IL1RAPL2: variants seen among roughly 807,000 people sequenced by gnomAD.
IL1RAPL2 encodes X-linked interleukin-1 receptor accessory protein-like 2.
IL1RAPL2 carries 3 observed loss-of-function variants against 44.1 expected under a neutral mutation model. The observed-to-expected ratio is 0.07, with a 90% confidence interval of 0.03 to 0.18. The LOEUF (loss-of-function observed/expected upper bound fraction) is 0.18, where lower values mean the gene tolerates loss of function less well. IL1RAPL2 is among the 10% of genes least tolerant of loss of function. The pLI, the probability that IL1RAPL2 is intolerant of heterozygous loss-of-function variation, is 1.00. For synonymous variants in IL1RAPL2, 181 were observed against 178.8 expected (o/e 1.01, Z -0.10); for missense variants, 391 against 496.4 (o/e 0.79, Z 2.02).
At chrX:104,576,849 C>G (rs1928252576) in intron 1 of IL1RAPL2, among the ~76,000 whole-genome samples, 1 of 111,807 alleles carries the variant, frequency 8.9e-6, no homozygotes, top group African/African-American at 3.2e-5. Flanking sequence ...ATCTCTATGG[C>G]TGAACTCTAG....
intron 5 of IL1RAPL2, among the ~76,000 whole-genome samples, chrX:105,357,232 T>G (rs753430607): frequency 7.0e-4 from 78 of 111,666 alleles, no homozygotes; most frequent in Non-Finnish European, 1.2e-3. Context: ...CACAAGATGA[T>G]GGTGAAGATT....
chrX:104,598,056 T>A (rs1928801525), intron 1 of IL1RAPL2, among the ~76,000 whole-genome samples: 1 of 112,256 alleles, frequency 8.9e-6, no homozygotes, highest in African/African-American at 3.2e-5. Flanking sequence ...CTAATTTTGA[T>A]GAAATGTCAA....
rs144475593 is a variant in IL1RAPL2, at chrX:105,067,525, C to T, written c.83-127950C>T. On this transcript the variant is annotated intron_variant, in intron 2 of 10. Transcript: ENST00000372582. ...CACTGTTCCAAGCATTCTATAATAG[C>T]TACTCATTTAATTCTCATACCAACC... is the stretch of plus-strand genomic sequence containing the variant. Among the ~76,000 whole-genome samples, 11 of 111,565 alleles carry T rather than the reference C, an allele frequency of 9.9e-5. No homozygotes were observed. The East Asian group carries it at 3.1e-3, about 32-fold the overall frequency.
rs1176282674 is a variant in IL1RAPL2 at position 105,607,409 on chromosome X, T to C, written c.773-109958T>C. Among the ~76,000 whole-genome samples, 3 of 108,718 alleles carry C rather than the reference T, an allele frequency of 2.8e-5. No individual in the cohort carries two copies. The East Asian group carries it at 8.7e-4, about 32-fold the overall frequency. 94.4% of individuals were successfully genotyped at this position (108,718 alleles called of 115,157 possible). ...GGTCAATTGTATCAGCATTCTTTAA[T>C]TGAAATTTCTGCTTTCCAATACATT... On this transcript the variant is annotated intron_variant, in intron 6 of 10. Transcript: ENST00000372582.
chrX:105,170,862 G>A (rs996171498), intron 2 of IL1RAPL2, among the ~76,000 whole-genome samples: 8 of 111,935 alleles, frequency 7.1e-5, no homozygotes, highest in Non-Finnish European at 1.3e-4. Flanking sequence ...TTTTGAAGTA[G>A]GATTCAGAAA....
intron 3 of IL1RAPL2, among the ~76,000 whole-genome samples, chrX:105,206,995 T>C (rs1337674589): frequency 9.0e-6 from 1 of 111,581 alleles, no homozygotes; most frequent in African/African-American, 3.3e-5. Context: ...CATAAATGTA[T>C]GGTTATCTTT....
intron 5 of IL1RAPL2, among the ~76,000 whole-genome samples, chrX:105,311,348 T>A (rs1298735895): frequency 1.8e-5 from 2 of 110,076 alleles, no homozygotes; most frequent in Non-Finnish European, 3.8e-5. Context: ...ATTTGTCCCA[T>A]CTGGTTTTTT....
At chrX:105,617,436 C>T (rs932661422) in intron 6 of IL1RAPL2, among the ~76,000 whole-genome samples, 1 of 111,080 alleles carries the variant, frequency 9.0e-6, no homozygotes, top group Non-Finnish European at 1.9e-5. Context: ...CAGGGCATCA[C>T]ATAACTCATA....
intron 2 of IL1RAPL2, among the ~76,000 whole-genome samples, chrX:104,710,865 T>C (rs1016635174): frequency 2.7e-5 from 3 of 111,402 alleles, no homozygotes; most frequent in East Asian, 5.7e-4. Flanking sequence ...CACATACAAT[T>C]ATGTACAGTA....
chrX:104,811,742 G>A (rs984110248), intron 2 of IL1RAPL2, among the ~76,000 whole-genome samples: 1 of 111,072 alleles, frequency 9.0e-6, no homozygotes, highest in African/African-American at 3.3e-5. Context: ...AAGAAGCAGT[G>A]TCTGGGTCCC....
At chrX:105,265,468 C>A (rs1213389944) in intron 4 of IL1RAPL2, among the ~76,000 whole-genome samples, 1 of 111,541 alleles carries the variant, frequency 9.0e-6, no homozygotes, top group Non-Finnish European at 1.9e-5. Flanking sequence ...AACTCAGAAG[C>A]AAATCTCAGA....
At position 105,168,395 on chromosome X, in the gene IL1RAPL2, G is replaced by A. The variant is rs149782634; in HGVS notation, c.83-27080G>A. 3.2e-3 allele frequency among the ~76,000 whole-genome samples: 313 copies of A among 99,166 alleles called. 4 individuals are homozygous for A. The highest frequency in any genetic ancestry group is 0.011 in the African/African-American group (296 of 27,667). 86.1% of individuals were successfully genotyped at this position (99,166 alleles called of 115,157 possible). A position where few individuals can be genotyped will look rare whatever the true frequency, so the allele number is the denominator to read the frequency against. ...TCATTGTATTAGCCAGTGTTCTCCA[G>A]AGAAATAGAACCATAGGAGGTGTGT... On this transcript the variant is annotated intron_variant, in intron 2 of 10. Transcript: ENST00000372582.
At chrX:105,325,198 G>A (rs1202575715) in intron 5 of IL1RAPL2, among the ~76,000 whole-genome samples, 2 of 110,346 alleles carry the variant, frequency 1.8e-5, no homozygotes, top group African/African-American at 6.6e-5. Context: ...TCCATTTGCA[G>A]TAACTCACAT....
In IL1RAPL2 at chrX:104,757,138, A is replaced by G. The variant is rs772013789; in HGVS notation, c.82+98143A>G. 1.5e-4 allele frequency among the ~76,000 whole-genome samples: 17 copies of G among 111,962 alleles called. No homozygotes were observed. In the East Asian group the frequency reaches 4.6e-3, roughly 30 times the overall value. On this transcript the variant is annotated intron_variant, in intron 2 of 10. Coordinates refer to ENST00000372582, the MANE Select transcript of IL1RAPL2 (RefSeq NM_017416.2). ...GGACAAGAGAAGAAGCAGAGAGAACAGTTAGGAGGCTACTGCAGTAATGCT... is the reference window on the plus strand; with the variant it reads ...GGACAAGAGAAGAAGCAGAGAGAACGGTTAGGAGGCTACTGCAGTAATGCT...
intron 6 of IL1RAPL2, among the ~76,000 whole-genome samples, chrX:105,593,291 T>G (rs2147819317): frequency 8.9e-6 from 1 of 112,277 alleles, no homozygotes; most frequent in East Asian, 2.8e-4. Context: ...AGTTTGGTTC[T>G]TTTTTAAAAT....
chrX:105,635,524 T>G (rs183168680), intron 6 of IL1RAPL2, among the ~76,000 whole-genome samples: 1 of 111,730 alleles, frequency 9.0e-6, no homozygotes, highest in Admixed American at 9.5e-5. Context: ...TCAGGATTTA[T>G]AGTAGATTAG....
At chrX:105,279,653 T>C (rs1481706863) in intron 5 of IL1RAPL2, among the ~76,000 whole-genome samples, 1 of 111,061 alleles carries the variant, frequency 9.0e-6, no homozygotes, top group African/African-American at 3.3e-5. Flanking sequence ...CTAATTTTTG[T>C]ATTTTTAGTA....
intron 3 of IL1RAPL2, among the ~76,000 whole-genome samples, chrX:105,220,894 T>C (rs782239005): frequency 1.1e-4 from 12 of 111,679 alleles, no homozygotes; most frequent in African/African-American, 2.6e-4. Flanking sequence ...AATTAAGCCC[T>C]TATAATCAAG....
At chrX:104,663,806 A>T (rs1018563442) in intron 2 of IL1RAPL2, among the ~76,000 whole-genome samples, 2 of 105,492 alleles carry the variant, frequency 1.9e-5, no homozygotes, top group Non-Finnish European at 3.9e-5. Flanking sequence ...GTCAGAAAGA[A>T]TGTGTGGCCA....
Sources: gnomAD v4.1 joint callset for allele counts (sites outside exome capture counted in the v4.1 genomes callset) on GRCh38, gnomAD v4.1.1 for gene constraint, MANE v1.5 for transcripts, NCBI Gene and HGNC (gene_info 2026-07-23, HGNC 2026-07-21) for gene names.